TRAPPC9: variants seen among roughly 807,000 people sequenced by gnomAD.
TRAPPC9 encodes IKK2 binding protein.
In TRAPPC9, 83 loss-of-function variants were observed where a neutral mutation model predicts 124.0. That is an observed-to-expected ratio of 0.67 (90% CI 0.56 to 0.80). The LOEUF (loss-of-function observed/expected upper bound fraction) is 0.80. Ranked by LOEUF, TRAPPC9 falls within the 30% of genes least tolerant of loss-of-function variation. The pLI is 0.00. For synonymous variants in TRAPPC9, 638 were observed against 617.5 expected (o/e 1.03, Z -0.49); for missense variants, 1,302 against 1,508.3 (o/e 0.86, Z 2.27).
rs200235924 is a variant in TRAPPC9 at position 140,283,924 on chromosome 8, C to A, written c.2079G>T (p.Ala693=). 1 of 1,614,070 alleles carries A rather than the reference C, an allele frequency of 6.2e-7. No homozygotes were observed. Among genetic ancestry groups the A allele is most frequent in the Non-Finnish European group, 8.5e-7 (1 of 1,180,034 alleles). Residue 693 remains alanine (A), a synonymous_variant, in exon 14 of 23, where the codon GCG becomes GCT. Coordinates refer to ENST00000438773, the MANE Select transcript of TRAPPC9 (RefSeq NM_001160372.4). ...AGGTGCTGATCTGCAGTCTTGGCAA[C>A]GCGGGAATGACTTCCACTGTGGAGC... ...TSGSTVEVIP[A]LPRLQISTSL...
Position 140,193,622 on chromosome 8 carries a change from G to GAAAAA in TRAPPC9, c.2556+27832_2556+27836dup, listed in dbSNP as rs72383095. ...GGCAGAAGGGATCTTTGTACTTTCA[G>GAAAAA]AAAAAAAAAAAAAAAAAAAAAAAAG... On this transcript the variant is annotated intron_variant, in intron 17 of 22. Coordinates refer to ENST00000438773, the MANE Select transcript of TRAPPC9 (RefSeq NM_001160372.4). 5.8e-4 allele frequency among the ~76,000 whole-genome samples: 45 copies of GAAAAA among 77,316 alleles called. 2 individuals carry two copies. Among genetic ancestry groups the GAAAAA allele is most frequent in the African/African-American group, 2.0e-3 (39 of 19,598 alleles). The allele number at this position is 77,316 out of a possible 152,430, so 50.7% of individuals were successfully genotyped here.
intron 17 of TRAPPC9, among the ~76,000 whole-genome samples, chr8:140,035,677 G>T (rs1840830685): frequency 6.6e-6 from 1 of 152,146 alleles, no homozygotes; most frequent in South Asian, 2.1e-4. Flanking sequence ...GTAAACCACA[G>T]AGCTCAGGTG....
chr8:140,275,781 A>G lies in TRAPPC9; in HGVS notation c.2155T>C (p.Ser719Pro). The change falls in exon 15 of 23, where the codon TCT (serine) becomes CCT (proline). Residue 719 changes from serine to proline, a missense_variant. Physicochemically the swap from Ser to Pro is moderately conservative, Grantham distance 74 (BLOSUM62 -1). This residue lies in a region of TRAPPC9 where 640 missense variants were observed against 679.3 expected (regional missense o/e 0.94). Transcript: ENST00000438773. ...TAAAGCTGGACAGATACATTAGTAG[A>G]TATTTCATCACCAGAAGAAGGTTGC... ...SLQPSSGDEI[S>P]TNVSVQLYNG... 6.2e-7 allele frequency: 1 copy of G among 1,613,460 alleles called. No homozygotes were observed. The highest frequency in any genetic ancestry group is 8.5e-7 in the Non-Finnish European group (1 of 1,179,368).
chr8:140,249,892 GC>G (rs2064090406), intron 16 of TRAPPC9, among the ~76,000 whole-genome samples: 1 of 152,136 alleles, frequency 6.6e-6, no homozygotes, highest in African/African-American at 2.4e-5. Context: ...ACAGGCGTGA[GC>G]CACCGTGCCT....
At chr8:139,768,096 A>G (rs893229371) in intron 21 of TRAPPC9, among the ~76,000 whole-genome samples, 7 of 152,348 alleles carry the variant, frequency 4.6e-5, no homozygotes, top group African/African-American at 1.7e-4. Context: ...CTATAGTCCA[A>G]AAATATGGGG....
Position 140,221,524 on chromosome 8 carries a change from G to C in TRAPPC9, c.2491C>G (p.Arg831Gly). ...GGGTTCACAGGTTTGCCCTCCACTC[G>C]GGGCCGAACGACCTGCCGAAAAGGA... Reference protein sequence around the residue: ...SSPFRQVVRPRVEGKPVNPPE... With the variant: ...SSPFRQVVRPGVEGKPVNPPE... Residue 831 changes from arginine (R) to glycine (G), a missense_variant, in exon 17 of 23, where the codon CGA becomes GGA. Around this residue, in one of 3 missense-constraint regions of TRAPPC9, gnomAD observed 640 missense variants for 679.3 expected, o/e 0.94. Transcript: ENST00000438773. 1 of 1,614,106 alleles carries C rather than the reference G, an allele frequency of 6.2e-7. No homozygotes were observed. Among genetic ancestry groups the C allele is most frequent in the Non-Finnish European group, 8.5e-7 (1 of 1,180,006 alleles).
intron 19 of TRAPPC9, chr8:139,932,745 C>A: frequency 2.8e-6 from 1 of 351,518 alleles, no homozygotes; most frequent in Non-Finnish European, 5.6e-6. Flanking sequence ...GCCTGGGCAA[C>A]AGAATGAGAC....
rs968075856 is a variant in TRAPPC9 at position 139,727,744 on chromosome 8, T to A, written c.*3317A>T. ...CCGGACTTTGCTTGAATACTTCTAT[T>A]GACAAAGAGCTCACTCCATCAGCAT... On this transcript the variant is annotated 3_prime_UTR_variant, in exon 23 of 23. Coordinates refer to ENST00000438773, the MANE Select transcript of TRAPPC9 (RefSeq NM_001160372.4). Among the ~76,000 whole-genome samples the A allele has an allele frequency of 1.3e-5, 2 of 152,170 alleles. No individual in the cohort carries two copies. Among genetic ancestry groups the A allele is most frequent in the African/African-American group, 4.8e-5 (2 of 41,424 alleles).
At chr8:139,787,255 CGT>C (rs1440893221) in intron 21 of TRAPPC9, among the ~76,000 whole-genome samples, 3 of 152,006 alleles carry the variant, frequency 2.0e-5, no homozygotes, top group Admixed American at 6.5e-5. Context: ...GGAAAAATCT[CGT>C]TCAGAGGCAA....
rs2065890950 is a variant in TRAPPC9, at chr8:140,299,047, A to G, written c.1768+1422T>C. Among the ~76,000 whole-genome samples the G allele has an allele frequency of 2.0e-5, 3 of 152,316 alleles. No homozygotes were observed. The South Asian group carries it at 6.2e-4, about 32-fold the overall frequency. The stretch of plus-strand genomic sequence containing the variant: ...AGAGATGGTGGGAGGAGTGGCCTGC[A>G]AGGCGCTGGGATCAGAGAACACCCC... On this transcript the variant is annotated intron_variant, in intron 11 of 22. Coordinates refer to ENST00000438773, the MANE Select transcript of TRAPPC9 (RefSeq NM_001160372.4).
At chr8:140,339,617 T>C (rs2067139659) in intron 9 of TRAPPC9, among the ~76,000 whole-genome samples, 1 of 152,200 alleles carries the variant, frequency 6.6e-6, no homozygotes, top group Non-Finnish European at 1.5e-5. Flanking sequence ...GGCCGAACCC[T>C]GAGGAAGACC....
In TRAPPC9 at chr8:140,085,338, T is replaced by TAAA. The variant is rs11423500; in HGVS notation, c.2557-61262_2557-61260dup. ...TGTTTGCAGAAAGAATCTTACTGTTTAAAAAAAAAAAAAAAGGCTTGGAAA... is the reference window on the plus strand; with the variant it reads ...TGTTTGCAGAAAGAATCTTACTGTTTAAAAAAAAAAAAAAAAAAGGCTTGGAAA... On this transcript the variant is annotated intron_variant, in intron 17 of 22. Coordinates refer to ENST00000438773, the MANE Select transcript of TRAPPC9 (RefSeq NM_001160372.4). 1.1e-3 allele frequency among the ~76,000 whole-genome samples: 152 copies of TAAA among 143,272 alleles called. 2 individuals are homozygous for TAAA. Among genetic ancestry groups the TAAA allele is most frequent in the East Asian group, 6.6e-3 (32 of 4,826 alleles). 94.0% of individuals were successfully genotyped at this position (143,272 alleles called of 152,430 possible). A position where few individuals can be genotyped will look rare whatever the true frequency, so the allele number is the denominator to read the frequency against.
At chr8:140,272,113 GGCA>G (rs2064918920) in intron 15 of TRAPPC9, among the ~76,000 whole-genome samples, 2 of 144,482 alleles carry the variant, frequency 1.4e-5, no homozygotes, top group Non-Finnish European at 1.5e-5. Context: ...TTGTGGTGGT[GGCA>G]ATGGTGATGG....
At chr8:139,749,823 C>T (rs976944949) in intron 21 of TRAPPC9, among the ~76,000 whole-genome samples, 1 of 152,198 alleles carries the variant, frequency 6.6e-6, no homozygotes, top group Non-Finnish European at 1.5e-5. Context: ...ACTGGAGGGG[C>T]AGGGCTGCCC....
intron 7 of TRAPPC9, among the ~76,000 whole-genome samples, chr8:140,377,442 G>A (rs562937605): frequency 6.6e-6 from 1 of 152,274 alleles, no homozygotes; most frequent in East Asian, 1.9e-4. Context: ...GTGATTACAG[G>A]TGCCCGACGC....
chr8:140,057,014 T>G (rs897237382), intron 17 of TRAPPC9, among the ~76,000 whole-genome samples: 1 of 152,066 alleles, frequency 6.6e-6, no homozygotes, highest in African/African-American at 2.4e-5. Flanking sequence ...ATAACACAAT[T>G]AAAAATGGGC....
At chr8:140,125,323 C>T (rs1010346027) in intron 17 of TRAPPC9, among the ~76,000 whole-genome samples, 2 of 152,226 alleles carry the variant, frequency 1.3e-5, no homozygotes, top group African/African-American at 4.8e-5. Flanking sequence ...AGGAGTGCTG[C>T]TCAGCAGACG....
At chr8:139,995,927 C>G (rs2131749797) in intron 18 of TRAPPC9, among the ~76,000 whole-genome samples, 1 of 148,290 alleles carries the variant, frequency 6.7e-6, no homozygotes, top group East Asian at 2.0e-4. Flanking sequence ...CCCAATGCCT[C>G]CCAATATTAT....
intron 21 of TRAPPC9, among the ~76,000 whole-genome samples, chr8:139,781,868 G>T (rs757675205): frequency 4.6e-5 from 7 of 151,992 alleles, no homozygotes; most frequent in Non-Finnish European, 1.0e-4. Flanking sequence ...AAACAAGTCA[G>T]GAAAAGAGAA....
Sources: gnomAD v4.1 joint callset for allele counts (sites outside exome capture counted in the v4.1 genomes callset) on GRCh38, gnomAD v4.1.1 for gene constraint, gnomAD v4.1.1 regional missense constraint, MANE v1.5 for transcripts, NCBI Gene and HGNC (gene_info 2026-07-23, HGNC 2026-07-21) for gene names.